SOCS2: variants seen among roughly 807,000 people sequenced by gnomAD.
SOCS2 encodes the protein CIS-2.
Under a neutral mutation model 18.6 loss-of-function variants are expected in SOCS2, and 10 were observed. The ratio of observed to expected loss-of-function variants is 0.54; its 90% CI spans 0.33 to 0.91. The LOEUF (loss-of-function observed/expected upper bound fraction) is 0.91. Ranked by LOEUF, SOCS2 falls within the 40% of genes least tolerant of loss-of-function variation. SOCS2 has a pLI of 0.02. For missense variants in SOCS2, 231 were observed against 247.2 expected (o/e 0.93, Z 0.44); for synonymous variants, 104 against 104.0 (o/e 1.00, Z 0.00).
chr12:93,618,927 C>T, the SOCS2 span, among the ~76,000 whole-genome samples: 3 of 152,172 alleles, frequency 2.0e-5, no homozygotes, highest in Non-Finnish European at 1.5e-5. Context: ...GATCCTCCCA[C>T]TCAGCCTCTA....
chr12:93,575,137 A>G lies in SOCS2; in HGVS notation c.555A>G (p.Thr185=), dbSNP rs747800481. Residue 185 remains threonine, a synonymous_variant, in exon 2 of 2, where the codon ACA becomes ACG. Coordinates refer to ENST00000551556, the MANE Select transcript of SOCS2 (RefSeq NM_001270471.2). ...CCATCTGGGGACTGCCTTTACCAACAAGACTAAAAGATTACTTGGAAGAAT... is the reference window on the plus strand; with the variant it reads ...CCATCTGGGGACTGCCTTTACCAACGAGACTAAAAGATTACTTGGAAGAAT... ...TGAIWGLPLP[T]RLKDYLEEYK... 1.9e-6 allele frequency: 3 copies of G among 1,569,320 alleles called. No individual in the cohort carries two copies. In the East Asian group the frequency reaches 6.7e-5, roughly 35 times the overall value.
At chr12:93,618,548 G>A in the SOCS2 span, among the ~76,000 whole-genome samples, 1 of 151,944 alleles carries the variant, frequency 6.6e-6, no homozygotes, top group African/African-American at 2.4e-5. Flanking sequence ...AGCCCCACTG[G>A]CCTCTTTTCA....
intron 1 of SOCS2, chr12:93,573,642 A>T (rs768257305): frequency 7.6e-5 from 12 of 158,796 alleles, no homozygotes; most frequent in Non-Finnish European, 1.6e-4. Flanking sequence ...ATCTGAAAAA[A>T]GAAAAAAGAA....
chr12:93,613,881 T>C, the SOCS2 span, among the ~76,000 whole-genome samples: 2 of 152,212 alleles, frequency 1.3e-5, no homozygotes, highest in Admixed American at 6.5e-5. Context: ...AGCGTGTCAA[T>C]AGGCAATAAA....
the SOCS2 span, among the ~76,000 whole-genome samples, chr12:93,593,386 A>G: frequency 6.6e-6 from 1 of 152,326 alleles, no homozygotes; most frequent in African/African-American, 2.4e-5. Context: ...AAAGCAAACA[A>G]ATAGGGCTCA....
upstream of SOCS2, chr12:93,570,871 G>C (rs930600091): frequency 1.3e-5 from 2 of 152,382 alleles, no homozygotes; most frequent in South Asian, 4.1e-4. Flanking sequence ...AAGCAGTAGC[G>C]GGGCCCGCGG....
chr12:93,624,690 G>A, the SOCS2 span, among the ~76,000 whole-genome samples: 1 of 152,138 alleles, frequency 6.6e-6, no homozygotes, highest in Non-Finnish European at 1.5e-5. Flanking sequence ...TGTTTTATAA[G>A]AGCAGAACAG....
At chr12:93,613,358 T>C in the SOCS2 span, among the ~76,000 whole-genome samples, 1 of 152,154 alleles carries the variant, frequency 6.6e-6, no homozygotes. Context: ...CTGTTTTTTG[T>C]TTTTATGGTC....
chr12:93,581,414 ATT>A (rs1211640539), downstream of SOCS2, among the ~76,000 whole-genome samples: 4 of 144,726 alleles, frequency 2.8e-5, no homozygotes, highest in African/African-American at 5.1e-5. Context: ...TCAAGGAATG[ATT>A]TTTTTTTTTT....
intron 1 of SOCS2, among the ~76,000 whole-genome samples, chr12:93,582,192 C>T (rs1954549197): frequency 6.6e-6 from 1 of 152,094 alleles, no homozygotes; most frequent in Non-Finnish European, 1.5e-5. Flanking sequence ...AGTCCTCAGA[C>T]CTGCTGAGTG....
downstream of SOCS2, among the ~76,000 whole-genome samples, chr12:93,587,668 G>A (rs902485606): frequency 4.7e-5 from 7 of 147,774 alleles, no homozygotes; most frequent in East Asian, 1.9e-4. Flanking sequence ...GTGACAGAGC[G>A]AGACTCTGTC....
chr12:93,603,812 C>A, the SOCS2 span, among the ~76,000 whole-genome samples: 2 of 152,084 alleles, frequency 1.3e-5, no homozygotes, highest in Non-Finnish European at 2.9e-5. Context: ...GAGCAAGCTC[C>A]AGGGTGGAAC....
chr12:93,613,699 CA>C, the SOCS2 span, among the ~76,000 whole-genome samples: 8 of 152,182 alleles, frequency 5.3e-5, no homozygotes, highest in East Asian at 1.5e-3. Context: ...ATATAGTTAA[CA>C]ATTGAGTACT....
chr12:93,586,482 A>G (rs1954585702), downstream of SOCS2, among the ~76,000 whole-genome samples: 3 of 152,198 alleles, frequency 2.0e-5, no homozygotes, highest in Admixed American at 2.0e-4. Flanking sequence ...TAAATTCCAG[A>G]CAACTGGTTT....
At chr12:93,602,455 T>C in the SOCS2 span, among the ~76,000 whole-genome samples, 31 of 152,234 alleles carry the variant, frequency 2.0e-4, no homozygotes, top group East Asian at 5.6e-3. Flanking sequence ...AATGTATGTG[T>C]ATGTATAAAG....
At chr12:93,623,610 G>A in the SOCS2 span, among the ~76,000 whole-genome samples, 5 of 152,192 alleles carry the variant, frequency 3.3e-5, no homozygotes, top group East Asian at 9.6e-4. Flanking sequence ...CATGTAAGAT[G>A]CCATTTAAAA....
chr12:93,611,119 CTGGCCAG>C, the SOCS2 span, among the ~76,000 whole-genome samples: 1 of 152,146 alleles, frequency 6.6e-6, no homozygotes, highest in African/African-American at 2.4e-5. Flanking sequence ...AGATGAACTT[CTGGCCAG>C]TTATTACCAT....
the SOCS2 span, among the ~76,000 whole-genome samples, chr12:93,626,208 G>C: frequency 6.6e-6 from 1 of 152,038 alleles, no homozygotes; most frequent in Non-Finnish European, 1.5e-5. Flanking sequence ...CTCCTTGAAG[G>C]CTTCTTAAGG....
chr12:93,604,186 A>G, the SOCS2 span, among the ~76,000 whole-genome samples: 1 of 144,276 alleles, frequency 6.9e-6, no homozygotes, highest in African/African-American at 2.7e-5. Flanking sequence ...TAGATTCTCA[A>G]AAAAACAAAC....
Sources: allele counts gnomAD v4.1 joint callset (sites outside exome capture counted in the v4.1 genomes callset), GRCh38; gene constraint gnomAD v4.1.1; transcripts MANE v1.5; gene names NCBI Gene and HGNC (gene_info 2026-07-23, HGNC 2026-07-21).